COMMD10: variants seen among roughly 807,000 people sequenced by gnomAD.
COMMD10 encodes COMM domain-containing protein 10.
Under a neutral mutation model 28.9 loss-of-function variants are expected in COMMD10, and 33 were observed. The observed-to-expected ratio is 1.14, with a 90% CI of 0.87 to 1.53. The LOEUF is 1.53. Among genes scored for constraint, COMMD10 ranks in the 40% most tolerant of loss-of-function variants. The pLI is 0.00. For missense variants in COMMD10, 310 were observed against 233.4 expected, an observed-to-expected ratio of 1.33 and a Z score of -2.14; for synonymous variants, 110 against 81.7, an observed-to-expected ratio of 1.35 and a Z score of -1.87.
chr5:116,137,686 AAATGAAAAATG>A, intron 5 of COMMD10, among the ~76,000 whole-genome samples: 1 of 151,922 alleles, frequency 6.6e-6, no homozygotes. Flanking sequence ...TCTAACATAC[AAATGAAAAATG>A]CAGCCTGCAG....
intron 5 of COMMD10, among the ~76,000 whole-genome samples, chr5:116,259,053 C>T (rs527729943): frequency 7.4e-5 from 11 of 149,178 alleles, no homozygotes; most frequent in South Asian, 2.1e-4. Flanking sequence ...TCTTTAGCTA[C>T]GTCCTTTAAT....
At chr5:116,204,468 T>C (rs1748760423) in intron 5 of COMMD10, among the ~76,000 whole-genome samples, 1 of 152,120 alleles carries the variant, frequency 6.6e-6, no homozygotes, top group Non-Finnish European at 1.5e-5. Context: ...ATAATTTTCC[T>C]TTTAGTTCTG....
chr5:116,170,737 A>T (rs1271058303), intron 5 of COMMD10, among the ~76,000 whole-genome samples: 4 of 152,224 alleles, frequency 2.6e-5, no homozygotes, highest in African/African-American at 9.6e-5. Context: ...GAATGGGGAA[A>T]GGGTATTCTA....
intron 4 of COMMD10, among the ~76,000 whole-genome samples, chr5:116,131,640 T>C (rs1751866344): frequency 6.6e-6 from 1 of 152,060 alleles, no homozygotes; most frequent in Non-Finnish European, 1.5e-5. Flanking sequence ...CAGAGGCTGT[T>C]GTAGGTCACA....
At chr5:116,263,399 C>T (rs1187750441) in intron 5 of COMMD10, among the ~76,000 whole-genome samples, 5 of 151,674 alleles carry the variant, frequency 3.3e-5, no homozygotes, top group Non-Finnish European at 5.9e-5. Context: ...AATATTTAAC[C>T]CCAAAATATA....
intron 5 of COMMD10, among the ~76,000 whole-genome samples, chr5:116,288,711 G>A (rs1208118245): frequency 6.6e-6 from 1 of 151,406 alleles, no homozygotes; most frequent in Non-Finnish European, 1.5e-5. Context: ...GCCTAAAACT[G>A]TTGTTGAATA....
At position 116,089,399 on chromosome 5, in the gene COMMD10, T is replaced by C. The variant is rs1233352652; in HGVS notation, c.133-1680T>C. Among the ~76,000 whole-genome samples the C allele has an allele frequency of 2.0e-5, 3 of 152,334 alleles. No individual in the cohort carries two copies. In the East Asian group the frequency reaches 5.8e-4, roughly 29 times the overall value. ...GAAAGAGTATGGAACATTTCATAAA[T>C]TGGCCCAAAAGTGAATGATGTGGGT... On this transcript the variant is annotated intron_variant, in intron 2 of 6. Coordinates refer to ENST00000274458, the MANE Select transcript of COMMD10 (RefSeq NM_016144.4).
At chr5:116,225,353 G>GTTTTTTTTTTTTTTTTTT (rs143964154) in intron 5 of COMMD10, among the ~76,000 whole-genome samples, 2 of 116,512 alleles carry the variant, frequency 1.7e-5, no homozygotes, top group Admixed American at 9.2e-5. Flanking sequence ...TTTTTTTGGG[G>GTTTTTTTTTTTTTTTTTT]ATTTTTTTTT....
Position 116,256,310 on chromosome 5 carries a change from T to C in COMMD10, c.511-35207T>C, listed in dbSNP as rs548749858. Reference sequence around the variant, plus strand: ...ATCGAACTTCTGTTCCTTTTGGGGTTGTTGAGTATATGAAGAATATTATTT... The same window carrying C: ...ATCGAACTTCTGTTCCTTTTGGGGTCGTTGAGTATATGAAGAATATTATTT... On this transcript the variant is annotated intron_variant, in intron 5 of 6. Transcript: ENST00000274458. 4.0e-5 allele frequency among the ~76,000 whole-genome samples: 6 copies of C among 151,844 alleles called. No homozygotes were observed. In the East Asian group the frequency reaches 1.2e-3, roughly 29 times the overall value.
rs575872750 is a variant in COMMD10, at chr5:116,259,215, A to G, written c.511-32302A>G. ...GTACCTGGGATTACAGGTGCACGCCACCATGCCTGGCCAATTTTTGTATTT... is the reference window on the plus strand; with the variant it reads ...GTACCTGGGATTACAGGTGCACGCCGCCATGCCTGGCCAATTTTTGTATTT... On this transcript the variant is annotated intron_variant, in intron 5 of 6. Coordinates refer to ENST00000274458, the MANE Select transcript of COMMD10 (RefSeq NM_016144.4). Among the ~76,000 whole-genome samples the G allele has an allele frequency of 5.3e-5, 8 of 151,344 alleles. No individual in the cohort carries two copies. The South Asian group carries it at 1.7e-3, about 32-fold the overall frequency.
At chr5:116,110,581 A>G (rs1468336788) in intron 4 of COMMD10, among the ~76,000 whole-genome samples, 1 of 152,074 alleles carries the variant, frequency 6.6e-6, no homozygotes, top group African/African-American at 2.4e-5. Context: ...TTCTTTGTTC[A>G]ATCTTGGGAG....
At chr5:116,087,179 G>T (rs571088033) in intron 1 of COMMD10, among the ~76,000 whole-genome samples, 16 of 152,234 alleles carry the variant, frequency 1.1e-4, no homozygotes, top group Non-Finnish European at 1.9e-4. Context: ...CCATTTTTGG[G>T]TTAAGTGTTT....
At chr5:116,269,617 C>A (rs982260162) in intron 5 of COMMD10, among the ~76,000 whole-genome samples, 2 of 151,532 alleles carry the variant, frequency 1.3e-5, no homozygotes, top group Admixed American at 6.6e-5. Context: ...GTATGGTTTT[C>A]CCTTATCTTT....
chr5:116,130,899 A>G (rs1434734956), intron 4 of COMMD10, among the ~76,000 whole-genome samples: 2 of 152,016 alleles, frequency 1.3e-5, no homozygotes, highest in Non-Finnish European at 2.9e-5. Context: ...AAAATATGCA[A>G]TTTTGTTTGT....
In COMMD10 at chr5:116,217,095, A is replaced by G. The variant is rs568762804; in HGVS notation, c.511-74422A>G. Among the ~76,000 whole-genome samples, 14 of 152,178 alleles carry G rather than the reference A, an allele frequency of 9.2e-5. No individual in the cohort carries two copies. The South Asian group carries it at 2.5e-3, about 27-fold the overall frequency. On this transcript the variant is annotated intron_variant, in intron 5 of 6. Transcript: ENST00000274458. ...TTTTATAAAATAATTTTTAAATTCT[A>G]AAAGTAATAAATGACCTTAGGGAAG...
chr5:116,193,791 A>T (rs1274330523), intron 5 of COMMD10, among the ~76,000 whole-genome samples: 1 of 152,158 alleles, frequency 6.6e-6, no homozygotes, highest in Non-Finnish European at 1.5e-5. Context: ...GAAACAATGA[A>T]TTTGTACCTT....
intron 5 of COMMD10, among the ~76,000 whole-genome samples, chr5:116,190,970 A>G (rs1282272291): frequency 6.6e-6 from 1 of 152,198 alleles, no homozygotes; most frequent in Non-Finnish European, 1.5e-5. Context: ...TTTATTTATA[A>G]TAAGCACTTT....
intron 5 of COMMD10, among the ~76,000 whole-genome samples, chr5:116,264,082 A>C (rs1295123983): frequency 6.6e-6 from 1 of 151,810 alleles, no homozygotes; most frequent in African/African-American, 2.4e-5. Context: ...AAAATGCAAG[A>C]GCTTTAGAGC....
intron 5 of COMMD10, among the ~76,000 whole-genome samples, chr5:116,137,097 GAA>G (rs1752046137): frequency 6.6e-6 from 1 of 152,010 alleles, no homozygotes; most frequent in South Asian, 2.1e-4. Flanking sequence ...TTTCCTCAAT[GAA>G]CTGCTGCCTG....
Sources: allele counts gnomAD v4.1 joint callset (sites outside exome capture counted in the v4.1 genomes callset), GRCh38; gene constraint gnomAD v4.1.1; transcripts MANE v1.5; gene names NCBI Gene and HGNC (gene_info 2026-07-23, HGNC 2026-07-21).